NSD2: variants seen among roughly 807,000 people sequenced by gnomAD.
NSD2 encodes the protein nuclear receptor binding SET domain protein 2.
Under a neutral mutation model 139.0 loss-of-function variants are expected in NSD2, and 12 were observed. The ratio of observed to expected loss-of-function variants is 0.09; its 90% CI spans 0.06 to 0.14. The LOEUF is 0.14. Ranked by LOEUF, NSD2 falls within the 10% of genes least tolerant of loss-of-function variation. NSD2 has a pLI of 1.00. For missense variants in NSD2, 1,155 were observed against 1,745.0 expected (o/e 0.66, Z 6.02); for synonymous variants, 669 against 648.7 (o/e 1.03, Z -0.48).
At chr4:1,872,300 C>T (rs1355181367) in intron 1 of NSD2, among the ~76,000 whole-genome samples, 2 of 152,170 alleles carry the variant, frequency 1.3e-5, no homozygotes, top group African/African-American at 4.8e-5. Flanking sequence ...GATTGATAGT[C>T]CTTGAAGCCT....
At chr4:1,927,718 A>AG (rs1315439778) in intron 5 of NSD2, among the ~76,000 whole-genome samples, 19 of 114,136 alleles carry the variant, frequency 1.7e-4, no homozygotes, top group African/African-American at 5.4e-4. Flanking sequence ...CTCTTATCTC[A>AG]GAAAAAAAAA....
chr4:1,892,477 A>G (rs1215545578), intron 1 of NSD2, among the ~76,000 whole-genome samples: 1 of 152,216 alleles, frequency 6.6e-6, no homozygotes, highest in Non-Finnish European at 1.5e-5. Context: ...ATAATTAGTT[A>G]TATAATTCCT....
At position 1,894,454 on chromosome 4, in the gene NSD2, T is replaced by G. The variant is rs990220981; in HGVS notation, c.-29-6172T>G. ...GGCTCAACCTGTAATCCTACCACTT[T>G]GGGAGTCCAGGAGTTTGAGACCAGC... On this transcript the variant is annotated intron_variant, in intron 1 of 21. Transcript: ENST00000508803. 3.9e-5 allele frequency among the ~76,000 whole-genome samples: 6 copies of G among 152,146 alleles called. No homozygotes were observed. The East Asian group carries it at 1.2e-3, about 30-fold the overall frequency.
chr4:1,917,076 T>C, intron 4 of NSD2, 39 bp downstream of exon 4: 1 of 1,518,020 alleles, frequency 6.6e-7, no homozygotes, highest in East Asian at 2.4e-5. Flanking sequence ...AGACCAGAAA[T>C]TTAATTTTTA....
At chr4:1,935,094 C>A in intron 6 of NSD2, 50 bp from the exon 7 acceptor site, 1 of 1,480,862 alleles carries the variant, frequency 6.8e-7, no homozygotes, top group South Asian at 1.2e-5. Flanking sequence ...GCTTCAAATG[C>A]AGCTTTTGGA....
chr4:1,889,605 G>A (rs951874961), intron 1 of NSD2, among the ~76,000 whole-genome samples: 87 of 151,790 alleles, frequency 5.7e-4, no homozygotes, highest in African/African-American at 2.0e-3. Context: ...GAGTTCAAGC[G>A]ATTCTCCTTC....
intron 1 of NSD2, among the ~76,000 whole-genome samples, chr4:1,885,755 T>C (rs549111465): frequency 6.6e-6 from 1 of 152,192 alleles, no homozygotes; most frequent in South Asian, 2.1e-4. Context: ...CACCCAGAGA[T>C]CTCTGCACCG....
In NSD2 at chr4:1,978,958, C is replaced by T. The variant is rs781197852; in HGVS notation, c.*49C>T. The T allele has an allele frequency of 4.8e-5, 70 of 1,446,864 alleles. No individual in the cohort carries two copies. The highest frequency in any genetic ancestry group is 5.7e-5 in the Non-Finnish European group (63 of 1,097,806). 89.6% of individuals were successfully genotyped at this position (1,446,864 alleles called of 1,614,324 possible). A position where few individuals can be genotyped will look rare whatever the true frequency, so the allele number is the denominator to read the frequency against. On this transcript the variant is annotated 3_prime_UTR_variant, in exon 22 of 22. Transcript: ENST00000508803. ...TCCAGGGGCGGTGCAGGGCGGCCGG[C>T]CCTGCCTGCGGGAGAGGGCGAGCAT...
chr4:1,942,744 T>C lies in NSD2; in HGVS notation c.1881+2966T>C. Reference sequence around the variant, plus strand: ...GTGGCCCTGTTAGAGTTGCTTCTCCTCTAGTTTGTAACTTACTGGACTTTT... The same window carrying C: ...GTGGCCCTGTTAGAGTTGCTTCTCCCCTAGTTTGTAACTTACTGGACTTTT... On this transcript the variant is annotated intron_variant, in intron 9 of 21. Coordinates refer to ENST00000508803, the MANE Select transcript of NSD2 (RefSeq NM_001042424.3). The surrounding 1 kb of genome is among the most constrained non-coding windows in gnomAD (Gnocchi z 4.0). The C allele has an allele frequency of 3.7e-6, 4 of 1,091,552 alleles. No homozygotes were observed. Among genetic ancestry groups the C allele is most frequent in the Non-Finnish European group, 4.5e-6 (4 of 894,712 alleles). 67.6% of individuals were successfully genotyped at this position (1,091,552 alleles called of 1,614,324 possible).
chr4:1,960,019 C>T (rs754194889), intron 17 of NSD2, among the ~76,000 whole-genome samples: 2 of 151,992 alleles, frequency 1.3e-5, no homozygotes, highest in Non-Finnish European at 2.9e-5. Flanking sequence ...TTTGACCATG[C>T]CCTAATAATT....
chr4:1,904,447 C>T, intron 3 of NSD2, 69 bp downstream of exon 3: 1 of 1,478,294 alleles, frequency 6.8e-7, no homozygotes, highest in South Asian at 1.3e-5. Flanking sequence ...CTCCAGGCTT[C>T]TTTCTTACTC....
At chr4:1,941,333 A>G in intron 9 of NSD2, 1 of 1,052,934 alleles carries the variant, frequency 9.5e-7, no homozygotes, top group Non-Finnish European at 1.1e-6. Flanking sequence ...TACTGTTGTC[A>G]GGTACAGTAG....
At chr4:1,923,393 G>C (rs1720426006) in intron 5 of NSD2, among the ~76,000 whole-genome samples, 1 of 151,938 alleles carries the variant, frequency 6.6e-6, no homozygotes, top group Non-Finnish European at 1.5e-5. Context: ...TCTGTAAAGA[G>C]CCGAAACAAT....
rs1255644492 is a variant in NSD2 at position 1,981,545 on chromosome 4, G to C, written c.*2636G>C. On this transcript the variant is annotated 3_prime_UTR_variant, in exon 22 of 22. Transcript: ENST00000508803. ...CCATACCCACCCGTGTGCGCCCACA[G>C]GGGGATGTGTCCGAATGGGCAGCTT... 9.8e-6 allele frequency: 3 copies of C among 306,714 alleles called. No homozygotes were observed. The highest frequency in any genetic ancestry group is 1.8e-5 in the Non-Finnish European group (3 of 167,712). The allele number at this position is 306,714 out of a possible 1,614,324, so 19.0% of individuals were successfully genotyped here.
At chr4:1,975,259 G>A in intron 19 of NSD2, 35 bp from the exon 20 acceptor site, 1 of 1,599,296 alleles carries the variant, frequency 6.3e-7, no homozygotes, top group South Asian at 1.1e-5. Flanking sequence ...AAAGGCAGGT[G>A]TTTCCAATTT....
chr4:1,925,798 G>GTTTGTT (rs1156905093), intron 5 of NSD2, among the ~76,000 whole-genome samples: 8 of 150,172 alleles, frequency 5.3e-5, no homozygotes, highest in Non-Finnish European at 1.0e-4. Flanking sequence ...TTGTTTGTTT[G>GTTTGTT]TTTGTTTTTG....
Position 1,955,939 on chromosome 4 carries a change from G to A in NSD2, c.2676-44G>A. On this transcript the variant is annotated intron_variant, in intron 14 of 21. Coordinates refer to ENST00000508803, the MANE Select transcript of NSD2 (RefSeq NM_001042424.3). The surrounding 1 kb of genome is among the most constrained non-coding windows in gnomAD (Gnocchi z 4.7). ...TTAAAGTATTGAAATTATTATCGCT[G>A]TCTCTGAGGAGTCTGTGAATCCTGT... The A allele has an allele frequency of 6.2e-7, 1 of 1,611,614 alleles. No individual in the cohort carries two copies. The highest frequency in any genetic ancestry group is 1.1e-5 in the South Asian group (1 of 90,888).
chr4:1,952,078 G>A (rs374491217), intron 10 of NSD2, 30 bp from the exon 11 acceptor site: 9 of 1,609,008 alleles, frequency 5.6e-6, no homozygotes, highest in Middle Eastern at 1.7e-4. Flanking sequence ...ACTGCCGGGC[G>A]CTGCTTACCC....
At chr4:1,953,180 T>C (rs1433294309) in intron 11 of NSD2, 144 bp from the exon 12 acceptor site, 2 of 1,558,796 alleles carry the variant, frequency 1.3e-6, no homozygotes, top group Non-Finnish European at 1.7e-6. Context: ...CTTGGACTAG[T>C]GAGCAAGGTT....
Sources: allele counts gnomAD v4.1 joint callset (sites outside exome capture counted in the v4.1 genomes callset), GRCh38; gene constraint gnomAD v4.1.1; non-coding constraint Gnocchi (gnomAD v3.1); transcripts MANE v1.5; gene names NCBI Gene and HGNC (gene_info 2026-07-23, HGNC 2026-07-21).